WHR1: variants seen among roughly 807,000 people sequenced by gnomAD.
WHR1 encodes MHC class III HLA-RP1.
At chr6:31,976,952 G>C in the WHR1 span, among the ~76,000 whole-genome samples, 1 of 152,374 alleles carries the variant, frequency 6.6e-6, no homozygotes, top group South Asian at 2.1e-4. Flanking sequence ...GCTGAGGCAG[G>C]AGAGTCAGGC....
At chr6:31,979,416 C>G in the WHR1 span, 1 of 1,612,754 alleles carries the variant, frequency 6.2e-7, no homozygotes, top group East Asian at 2.2e-5. Flanking sequence ...GCTTGTAGGT[C>G]CTCAAGGCCT....
chr6:31,971,371 C>T, the WHR1 span: 1 of 1,569,898 alleles, frequency 6.4e-7, no homozygotes, highest in East Asian at 2.2e-5. This position sits in a 1 kb window ranked among gnomAD's most constrained non-coding sequence, Gnocchi z 4.5. Flanking sequence ...GTGGTCCAGC[C>T]TTTCCTGGAC....
chr6:31,972,679 G>A, the WHR1 span: 1 of 1,613,858 alleles, frequency 6.2e-7, no homozygotes, highest in Non-Finnish European at 8.5e-7. This position sits in a 1 kb window ranked among gnomAD's most constrained non-coding sequence, Gnocchi z 6.3. Context: ...GCCTGTTTGA[G>A]GACGCGCTGC....
the WHR1 span, chr6:31,972,926 CAGGGCATTTCAAATCATGG>C: frequency 9.0e-7 from 1 of 1,113,218 alleles, no homozygotes; most frequent in African/African-American, 1.5e-5. The surrounding 1 kb of genome is among the most constrained non-coding windows in gnomAD (Gnocchi z 6.3). Flanking sequence ...GCAGGTAGTA[CAGGGCATTTCAAATCATGG>C]AGGTAGAAGA....
At chr6:31,976,623 C>T in the WHR1 span, among the ~76,000 whole-genome samples, 1 of 152,222 alleles carries the variant, frequency 6.6e-6, no homozygotes, top group Admixed American at 6.5e-5. Flanking sequence ...AGAGACGCCC[C>T]TCACTTCCCA....
the WHR1 span, among the ~76,000 whole-genome samples, chr6:31,979,194 G>A: frequency 8.0e-3 from 1,045 of 131,258 alleles, 15 homozygotes; most frequent in African/African-American, 0.028. Flanking sequence ...AGAGGGTAAA[G>A]AGGGGGGGAG....
At chr6:31,975,152 G>C in the WHR1 span, among the ~76,000 whole-genome samples, 1 of 151,076 alleles carries the variant, frequency 6.6e-6, no homozygotes, top group African/African-American at 2.4e-5. Context: ...TCTCTGATCA[G>C]AATGTCCCTG....
chr6:31,979,812 A>G, the WHR1 span: 1 of 444,258 alleles, frequency 2.3e-6, no homozygotes, highest in Non-Finnish European at 4.1e-6. Flanking sequence ...GGGGCCTGGC[A>G]GGAAGTGTAA....
At chr6:31,980,292 G>T in the WHR1 span, 4 of 629,234 alleles carry the variant, frequency 6.4e-6, no homozygotes, top group Non-Finnish European at 1.1e-5. Flanking sequence ...GAGGCAGTTG[G>T]TGCGAGCACA....
At chr6:31,976,299 C>T in the WHR1 span, among the ~76,000 whole-genome samples, 40 of 151,164 alleles carry the variant, frequency 2.6e-4, no homozygotes, top group East Asian at 1.6e-3. Flanking sequence ...GGGCGGCTGC[C>T]GGGCGGAGAT....
the WHR1 span, among the ~76,000 whole-genome samples, chr6:31,975,933 A>G: frequency 7.5e-6 from 1 of 133,854 alleles, no homozygotes; most frequent in East Asian, 2.4e-4. Context: ...TCCCTCCCGG[A>G]CGGGGCGGCT....
the WHR1 span, chr6:31,972,494 C>T: frequency 2.1e-5 from 34 of 1,610,574 alleles, no homozygotes; most frequent in Non-Finnish European, 2.8e-5. The surrounding 1 kb of genome is among the most constrained non-coding windows in gnomAD (Gnocchi z 6.3). Context: ...GAGTCGGATC[C>T]TCTTCGGGGT....
chr6:31,976,347 G>C, the WHR1 span, among the ~76,000 whole-genome samples: 1 of 151,786 alleles, frequency 6.6e-6, no homozygotes, highest in African/African-American at 2.4e-5. Flanking sequence ...GCCGGGCGGA[G>C]GGTCTCCTCC....
At chr6:31,980,320 G>T in the WHR1 span, 4,723 of 828,094 alleles carry the variant, frequency 5.7e-3, 193 homozygotes, top group East Asian at 0.088. Context: ...CCCAGGCTGG[G>T]ATTTTGTTAT....
At chr6:31,980,444 C>T in the WHR1 span, 1 of 1,610,746 alleles carries the variant, frequency 6.2e-7, no homozygotes, top group Non-Finnish European at 8.5e-7. Context: ...CTTCCCACTG[C>T]CCTCAGGCAT....
chr6:31,972,495 T>C, the WHR1 span: 2 of 1,610,628 alleles, frequency 1.2e-6, no homozygotes, highest in Non-Finnish European at 8.5e-7. The surrounding 1 kb of genome is among the most constrained non-coding windows in gnomAD (Gnocchi z 6.3). Context: ...AGTCGGATCC[T>C]CTTCGGGGTG....
At chr6:31,971,381 C>T in the WHR1 span, 3 of 1,577,794 alleles carry the variant, frequency 1.9e-6, no homozygotes, top group Non-Finnish European at 2.6e-6. The surrounding 1 kb of genome is among the most constrained non-coding windows in gnomAD (Gnocchi z 4.5). Context: ...CTTTCCTGGA[C>T]CTCCTCGTCC....
At chr6:31,979,197 G>A in the WHR1 span, among the ~76,000 whole-genome samples, 6 of 131,178 alleles carry the variant, frequency 4.6e-5, no homozygotes, top group African/African-American at 1.7e-4. Context: ...GGGTAAAGAG[G>A]GGGGGAGAGG....
the WHR1 span, chr6:31,971,950 C>G: frequency 1.9e-6 from 3 of 1,559,378 alleles, no homozygotes; most frequent in Non-Finnish European, 2.6e-6. The surrounding 1 kb of genome is among the most constrained non-coding windows in gnomAD (Gnocchi z 4.5). Context: ...CCAACTTCCA[C>G]CTCCGCAGAG....
Sources: allele counts gnomAD v4.1 joint callset (sites outside exome capture counted in the v4.1 genomes callset), GRCh38; gene constraint gnomAD v4.1.1; non-coding constraint Gnocchi (gnomAD v3.1); transcripts MANE v1.5; gene names NCBI Gene and HGNC (gene_info 2026-07-23, HGNC 2026-07-21).